KIAA1217: variants seen among roughly 807,000 people sequenced by gnomAD.
KIAA1217 encodes sickle tail protein homolog.
Under a neutral mutation model 163.9 loss-of-function variants are expected in KIAA1217, and 88 were observed. The observed-to-expected ratio is 0.54, with a 90% CI of 0.45 to 0.64. The LOEUF (loss-of-function observed/expected upper bound fraction) is 0.64, where lower values mean the gene tolerates loss of function less well. Ranked by LOEUF, KIAA1217 falls within the 30% of genes least tolerant of loss-of-function variation. KIAA1217 has a pLI of 0.00. For synonymous variants in KIAA1217, 903 were observed against 923.1 expected (o/e 0.98, Z 0.39); for missense variants, 2,372 against 2,475.0 (o/e 0.96, Z 0.88).
At chr10:24,531,181 A>C (rs1056020086) in intron 14 of KIAA1217, among the ~76,000 whole-genome samples, 3 of 152,196 alleles carry the variant, frequency 2.0e-5, no homozygotes, top group African/African-American at 7.2e-5. Context: ...TTCCAGAGTG[A>C]GTGACAGTGA....
chr10:23,776,611 G>A (rs994436413), intron 1 of KIAA1217, among the ~76,000 whole-genome samples: 1 of 149,426 alleles, frequency 6.7e-6, no homozygotes, highest in African/African-American at 2.5e-5. Context: ...TAAATGTATA[G>A]ATAAAATTAC....
In KIAA1217 at chr10:24,038,075, G is replaced by T. The variant is rs140168744; in HGVS notation, c.-171+30701G>T. Among the ~76,000 whole-genome samples, 1,131 of 152,168 alleles carry T rather than the reference G, an allele frequency of 7.4e-3. 4 individuals carry two copies. The highest frequency in any genetic ancestry group is 0.027 in the Middle Eastern group (8 of 294). On this transcript the variant is annotated intron_variant, in intron 2 of 18. Transcript: ENST00000376462. ...CCTTTTATTTTTGTAAGGGTTTTTT[G>T]TTGGGCAGGCTTGAAACTGCATGAC...
intron 1 of KIAA1217, among the ~76,000 whole-genome samples, chr10:23,773,664 G>A (rs967298423): frequency 6.6e-6 from 1 of 152,038 alleles, no homozygotes; most frequent in African/African-American, 2.4e-5. Context: ...AGTTCTCCTT[G>A]AAGAGGTCCT....
At chr10:24,130,378 A>T (rs1023830071) in intron 2 of KIAA1217, among the ~76,000 whole-genome samples, 26 of 152,320 alleles carry the variant, frequency 1.7e-4, no homozygotes, top group African/African-American at 5.3e-4. Flanking sequence ...GCCATGTTTT[A>T]TTATTTTCCT....
chr10:24,300,133 G>T (rs188488856), intron 2 of KIAA1217, among the ~76,000 whole-genome samples: 111 of 152,194 alleles, frequency 7.3e-4, no homozygotes, highest in Non-Finnish European at 1.4e-3. Context: ...CTTCCTCACT[G>T]GGCATCTGCA....
chr10:24,358,163 T>A (rs912446652), intron 2 of KIAA1217, among the ~76,000 whole-genome samples: 31 of 152,026 alleles, frequency 2.0e-4, no homozygotes, highest in African/African-American at 6.3e-4. Context: ...TACATTTCAG[T>A]GTGTGGGTGC....
chr10:24,478,603 G>C, intron 6 of KIAA1217, among the ~76,000 whole-genome samples: 1 of 152,152 alleles, frequency 6.6e-6, no homozygotes, highest in East Asian at 1.9e-4. Context: ...TTTTATCCAA[G>C]TGACTTCCAT....
Position 23,695,605 on chromosome 10 carries a change from C to A in KIAA1217, c.-321+371C>A, listed in dbSNP as rs912603013. Among the ~76,000 whole-genome samples the A allele has an allele frequency of 2.6e-5, 4 of 152,064 alleles. No individual in the cohort carries two copies. Among genetic ancestry groups the A allele is most frequent in the Non-Finnish European group, 5.9e-5 (4 of 68,034 alleles). On this transcript the variant is annotated intron_variant, in intron 1 of 18. Coordinates refer to the KIAA1217 transcript ENST00000376462. The surrounding 1 kb of genome is among the most constrained non-coding windows in gnomAD (Gnocchi z 4.9). ...GGCGAGCCAGGGGCTTATATAGGTG[C>A]GACTAGGATGTTGCCTCGTTTTTCA...
At chr10:23,718,136 C>G (rs1418717882) in intron 1 of KIAA1217, among the ~76,000 whole-genome samples, 3 of 152,078 alleles carry the variant, frequency 2.0e-5, no homozygotes, top group Non-Finnish European at 4.4e-5. Context: ...TTTGCCAGTT[C>G]CAAAACCAAT....
At chr10:23,702,601 T>C (rs964747146) in intron 1 of KIAA1217, among the ~76,000 whole-genome samples, 1 of 151,380 alleles carries the variant, frequency 6.6e-6, no homozygotes, top group Non-Finnish European at 1.5e-5. Context: ...AAGATTCAGG[T>C]TGGGCATTTT....
At chr10:23,924,199 CATGTGCAAGCCA>C (rs1842943873) in intron 1 of KIAA1217, among the ~76,000 whole-genome samples, 1 of 95,750 alleles carries the variant, frequency 1.0e-5, no homozygotes, top group South Asian at 3.3e-4. Context: ...TTCTAGGATA[CATGTGCAAGCCA>C]CTGTGTTTGG....
rs1444142403 is a variant in KIAA1217 at position 24,203,314 on chromosome 10, A to C, written c.-170-16312A>C. Among the ~76,000 whole-genome samples the C allele has an allele frequency of 5.9e-5, 9 of 152,332 alleles. No individual in the cohort carries two copies. The South Asian group carries it at 1.9e-3, about 32-fold the overall frequency. On this transcript the variant is annotated intron_variant, in intron 2 of 18. Coordinates refer to the KIAA1217 transcript ENST00000376462. ...TTGGACAATTGCCTTGGACTTCAGT[A>C]GTGAAAAAAGAGGATAAAAGATCCT...
intron 2 of KIAA1217, among the ~76,000 whole-genome samples, chr10:24,203,478 G>A (rs967556312): frequency 6.6e-6 from 1 of 152,016 alleles, no homozygotes; most frequent in East Asian, 1.9e-4. Context: ...ATGTTGGTGG[G>A]GGAAACAGGG....
At chr10:24,471,183 C>T (rs2063475750) in intron 5 of KIAA1217, among the ~76,000 whole-genome samples, 1 of 152,216 alleles carries the variant, frequency 6.6e-6, no homozygotes, top group Non-Finnish European at 1.5e-5. Flanking sequence ...ACATCATCCA[C>T]ATCATGGGGT....
At chr10:23,882,175 C>T (rs867096315) in intron 1 of KIAA1217, among the ~76,000 whole-genome samples, 4 of 151,840 alleles carry the variant, frequency 2.6e-5, no homozygotes, top group African/African-American at 9.7e-5. Flanking sequence ...TAATCTATAC[C>T]AAATACACTA....
chr10:24,294,745 A>G (rs1420028788), intron 2 of KIAA1217, among the ~76,000 whole-genome samples: 1 of 152,212 alleles, frequency 6.6e-6, no homozygotes, highest in Non-Finnish European at 1.5e-5. Context: ...AGTCTTCTGC[A>G]TACTTCAGAG....
rs926616243 is a variant in KIAA1217, at chr10:24,520,161, C to T, written c.2216C>T (p.Ser739Phe). 1 of 1,614,102 alleles carries T rather than the reference C, an allele frequency of 6.2e-7. No homozygotes were observed. The highest frequency in any genetic ancestry group is 2.2e-5 in the East Asian group (1 of 44,854). Residue 739 changes from serine (S) to phenylalanine (F), a missense_variant, in exon 11 of 21, where the codon TCC (serine) becomes TTC (phenylalanine). Physicochemically the swap from Ser to Phe is radical, Grantham distance 155. Coordinates refer to ENST00000376454, the MANE Select transcript of KIAA1217 (RefSeq NM_019590.5). ...EDFVEDLKKD[S>F]TAASRLVTLK... ...TTTGTTGAAGACTTGAAGAAGGACTCCACGGCAGCCAGCCGATTGGTTACT... is the reference window on the plus strand; with the variant it reads ...TTTGTTGAAGACTTGAAGAAGGACTTCACGGCAGCCAGCCGATTGGTTACT...
At chr10:23,768,265 G>T (rs1834629453) in intron 1 of KIAA1217, among the ~76,000 whole-genome samples, 3 of 152,164 alleles carry the variant, frequency 2.0e-5, no homozygotes, top group Non-Finnish European at 4.4e-5. Flanking sequence ...TAGGAATGAT[G>T]ACAGTTGCAT....
chr10:24,260,814 C>A (rs954042897), intron 2 of KIAA1217, among the ~76,000 whole-genome samples: 2 of 151,900 alleles, frequency 1.3e-5, no homozygotes, highest in Admixed American at 6.6e-5. Flanking sequence ...AGACATCATA[C>A]CTTTTGTCTA....
Sources: gnomAD v4.1 joint callset for allele counts (sites outside exome capture counted in the v4.1 genomes callset) on GRCh38, gnomAD v4.1.1 for gene constraint, Gnocchi (gnomAD v3.1) non-coding constraint, MANE v1.5 for transcripts, NCBI Gene and HGNC (gene_info 2026-07-23, HGNC 2026-07-21) for gene names.